The following CNTN3 variants were observed in gnomAD, a reference collection of about 807,000 sequenced individuals.
CNTN3 encodes the protein contactin-3.
Under a neutral mutation model 119.1 loss-of-function variants are expected in CNTN3, and 60 were observed. That is an observed-to-expected ratio of 0.50 (90% confidence interval 0.41 to 0.62). CNTN3 has a LOEUF of 0.62. Among genes scored for constraint, CNTN3 ranks in the 20% least tolerant of loss-of-function variants. CNTN3 has a pLI of 0.00. For missense variants in CNTN3, 1,101 were observed against 1,242.4 expected (o/e 0.89, Z 1.71); for synonymous variants, 450 against 438.7 (o/e 1.03, Z -0.32).
At chr3:74,448,283 C>G (rs980778303) in intron 4 of CNTN3, among the ~76,000 whole-genome samples, 2 of 152,064 alleles carry the variant, frequency 1.3e-5, no homozygotes, top group African/African-American at 4.8e-5. Context: ...TTTTAACCAA[C>G]AACATAGAGT....
chr3:74,595,035 C>A (rs1264535804), intron 1 of CNTN3, among the ~76,000 whole-genome samples: 2 of 152,078 alleles, frequency 1.3e-5, no homozygotes, highest in Admixed American at 6.6e-5. Flanking sequence ...ATTTGCATTT[C>A]TCTGATGGCC....
chr3:74,413,087 G>A lies in CNTN3; in HGVS notation c.454+11758C>T, dbSNP rs75846558. Among the ~76,000 whole-genome samples, 689 of 152,228 alleles carry A rather than the reference G, an allele frequency of 4.5e-3. 3 individuals carry two copies. The highest frequency in any genetic ancestry group is 0.015 in the African/African-American group (612 of 41,544). On this transcript the variant is annotated intron_variant, in intron 5 of 22. Transcript: ENST00000263665. ...AGCACTGGCCATTAACAGTTACTTT[G>A]GAAAATGGAATGAGCAAAAATGATG...
intron 19 of CNTN3, among the ~76,000 whole-genome samples, chr3:74,289,602 G>C (rs676403): frequency 0.082 from 12,422 of 152,012 alleles, 646 homozygotes; most frequent in East Asian, 0.2. Flanking sequence ...TCAAAACAGA[G>C]AAAAGTGACA....
chr3:74,275,033 T>C (rs1701853274), intron 20 of CNTN3, among the ~76,000 whole-genome samples: 1 of 152,004 alleles, frequency 6.6e-6, no homozygotes, highest in Admixed American at 6.6e-5. Flanking sequence ...AGCAATAGAA[T>C]TGAACAAGTA....
rs1427996399 is a variant in CNTN3, at chr3:74,614,441, G to T, written c.-131C>A. Among the ~76,000 whole-genome samples, 1 of 136,782 alleles carries T rather than the reference G, an allele frequency of 7.3e-6. No individual in the cohort carries two copies. Among genetic ancestry groups the T allele is most frequent in the Admixed American group, 7.0e-5 (1 of 14,344 alleles). 89.7% of individuals were successfully genotyped at this position (136,782 alleles called of 152,430 possible). On this transcript the variant is annotated 5_prime_UTR_variant, in exon 1 of 23. Coordinates refer to ENST00000263665, the MANE Select transcript of CNTN3 (RefSeq NM_020872.3). ...CCGCCCCGACGGCCCACTCGCCGCC[G>T]CCGCCGCCGCCGCCGCCGCCGCCAC...
intron 13 of CNTN3, among the ~76,000 whole-genome samples, chr3:74,334,302 C>A (rs1703336971): frequency 6.6e-6 from 1 of 152,088 alleles, no homozygotes; most frequent in African/African-American, 2.4e-5. Context: ...ATGTCTGGTG[C>A]AATTGTGAGG....
chr3:74,362,081 A>C (rs939146629), intron 10 of CNTN3, 41 bp from the exon 11 acceptor site: 2 of 1,597,736 alleles, frequency 1.3e-6, no homozygotes, highest in Admixed American at 1.7e-5. Flanking sequence ...TGGATCATTT[A>C]CAAAACTTCT....
At chr3:74,303,364 C>T (rs1702496063) in intron 13 of CNTN3, among the ~76,000 whole-genome samples, 1 of 152,112 alleles carries the variant, frequency 6.6e-6, no homozygotes. Context: ...GCATGAACCC[C>T]TCAATAAGAA....
intron 4 of CNTN3, among the ~76,000 whole-genome samples, chr3:74,445,223 A>T (rs1462291341): frequency 6.6e-6 from 1 of 152,136 alleles, no homozygotes; most frequent in African/African-American, 2.4e-5. Context: ...TCTGACAATA[A>T]CATATAGAAA....
intron 4 of CNTN3, among the ~76,000 whole-genome samples, chr3:74,465,632 A>G (rs1170722200): frequency 9.9e-5 from 15 of 152,206 alleles, no homozygotes; most frequent in Non-Finnish European, 2.9e-5. Flanking sequence ...CCATACAAAG[A>G]AAAGTCTGTA....
At position 74,289,529 on chromosome 3, in the gene CNTN3, A is replaced by G. The variant is rs542342144; in HGVS notation, c.2518-4038T>C. Among the ~76,000 whole-genome samples, 4 of 152,266 alleles carry G rather than the reference A, an allele frequency of 2.6e-5. No individual in the cohort carries two copies. The East Asian group carries it at 7.7e-4, about 29-fold the overall frequency. Reference sequence around the variant, plus strand: ...CACACTGGGATTGTGCTACATCACTATATATTACTTCACTGGTTTGCTTTT... The same window carrying G: ...CACACTGGGATTGTGCTACATCACTGTATATTACTTCACTGGTTTGCTTTT... On this transcript the variant is annotated intron_variant, in intron 19 of 22. Coordinates refer to ENST00000263665, the MANE Select transcript of CNTN3 (RefSeq NM_020872.3).
At chr3:74,411,858 G>GTGGCAGGCTGTATAAAAA (rs1342644294) in intron 5 of CNTN3, among the ~76,000 whole-genome samples, 2 of 152,200 alleles carry the variant, frequency 1.3e-5, no homozygotes, top group Admixed American at 1.3e-4. Context: ...AAGACAGAAT[G>GTGGCAGGCTGTATAAAAA]TGGCAGGCTG....
intron 5 of CNTN3, among the ~76,000 whole-genome samples, chr3:74,389,013 C>T (rs1704827047): frequency 6.6e-6 from 1 of 152,148 alleles, no homozygotes; most frequent in Admixed American, 6.5e-5. Context: ...AGTTTGGATT[C>T]ATACCGTCAA....
rs141699470 is a variant in CNTN3, at chr3:74,271,933, G to A, written c.2705-4555C>T. ...AACAAAATCATCTACTTTTTAACTC[G>A]TCTGAAACCCAACCTAGAACGCCAG... On this transcript the variant is annotated intron_variant, in intron 20 of 22. Coordinates refer to ENST00000263665, the MANE Select transcript of CNTN3 (RefSeq NM_020872.3). Among the ~76,000 whole-genome samples the A allele has an allele frequency of 3.1e-3, 474 of 152,108 alleles. 2 individuals carry two copies. Among genetic ancestry groups the A allele is most frequent in the African/African-American group, 0.011 (448 of 41,482 alleles).
At chr3:74,531,081 G>C (rs1038136676) in intron 1 of CNTN3, among the ~76,000 whole-genome samples, 1 of 151,970 alleles carries the variant, frequency 6.6e-6, no homozygotes, top group Non-Finnish European at 1.5e-5. Flanking sequence ...AGGTGAGCTA[G>C]GTGAGAAAAG....
chr3:74,377,767 A>G (rs1704515925), intron 5 of CNTN3, among the ~76,000 whole-genome samples: 3 of 152,186 alleles, frequency 2.0e-5, no homozygotes. Context: ...CTAAAAAGTA[A>G]TATGTGATGA....
Position 74,339,716 on chromosome 3 carries a change from A to T in CNTN3, c.1365-3058T>A, listed in dbSNP as rs1454843817. ...TGGTACAGAGTAGACATTCAAAAAT[A>T]AAACTTGTTGAATGAGTAAATGACG... On this transcript the variant is annotated intron_variant, in intron 11 of 22. Transcript: ENST00000263665. Among the ~76,000 whole-genome samples the T allele has an allele frequency of 4.6e-5, 7 of 152,108 alleles. No individual in the cohort carries two copies. The East Asian group carries it at 1.3e-3, about 29-fold the overall frequency.
At position 74,477,275 on chromosome 3, in the gene CNTN3, T is replaced by C. The variant is rs556198673; in HGVS notation, c.358+9181A>G. ...TGGCTGCTAAATGATGAACATAAGC[T>C]TCAGACCCAGAAAGTAAGCTACTGT... On this transcript the variant is annotated intron_variant, in intron 4 of 22. Coordinates refer to ENST00000263665, the MANE Select transcript of CNTN3 (RefSeq NM_020872.3). Among the ~76,000 whole-genome samples the C allele has an allele frequency of 7.2e-5, 11 of 152,274 alleles. No individual in the cohort carries two copies. In the East Asian group the frequency reaches 2.1e-3, roughly 29 times the overall value.
intron 5 of CNTN3, among the ~76,000 whole-genome samples, chr3:74,414,824 C>T (rs1461206849): frequency 5.9e-5 from 9 of 151,544 alleles, no homozygotes; most frequent in Non-Finnish European, 1.0e-4. Context: ...TTATTGCCCC[C>T]ACTTGCTAGT....
Sources: allele counts gnomAD v4.1 joint callset (sites outside exome capture counted in the v4.1 genomes callset), GRCh38; gene constraint gnomAD v4.1.1; transcripts MANE v1.5; gene names NCBI Gene and HGNC (gene_info 2026-07-23, HGNC 2026-07-21).